Variants in TTC28 observed in about 807,000 individuals in gnomAD.
The protein encoded by TTC28 is tetratricopeptide repeat protein 28.
TTC28 carries 61 observed loss-of-function variants against 198.0 expected under a neutral mutation model. That is an observed-to-expected ratio of 0.31 (90% CI 0.25 to 0.38). The LOEUF (loss-of-function observed/expected upper bound fraction) is 0.38, where lower values mean the gene tolerates loss of function less well. Ranked by LOEUF, TTC28 falls within the 10% of genes least tolerant of loss-of-function variation. The pLI is 1.00. For missense variants in TTC28, 2,678 were observed against 3,164.0 expected, an observed-to-expected ratio of 0.85 and a Z score of 3.69; for synonymous variants, 1,171 against 1,297.8, an observed-to-expected ratio of 0.90 and a Z score of 2.10.
chr22:28,632,253 C>CTTTTTTT lies in TTC28; in HGVS notation c.103-2430_103-2424dup, dbSNP rs765447917. ...ATATCAGTGTCCAAGTTATATTCAA[C>CTTTTTTT]TTTTTTTTTTTTTTTTTTTTTTTTT... On this transcript the variant is annotated intron_variant, in intron 1 of 22. Transcript: ENST00000397906. Among the ~76,000 whole-genome samples, 97 of 49,702 alleles carry CTTTTTTT rather than the reference C, an allele frequency of 2.0e-3. 9 individuals carry two copies. Among genetic ancestry groups the CTTTTTTT allele is most frequent in the African/African-American group, 2.8e-3 (36 of 12,806 alleles). The allele number at this position is 49,702 out of a possible 152,430, so 32.6% of individuals were successfully genotyped here.
intron 14 of TTC28, among the ~76,000 whole-genome samples, chr22:28,013,498 G>A (rs1229589801): frequency 6.6e-6 from 1 of 152,220 alleles, no homozygotes; most frequent in African/African-American, 2.4e-5. Context: ...GGCAGATTAT[G>A]CAAGGGTGTC....
chr22:28,553,190 GC>G (rs2049718827), intron 2 of TTC28, among the ~76,000 whole-genome samples: 1 of 152,148 alleles, frequency 6.6e-6, no homozygotes, highest in Non-Finnish European at 1.5e-5. Flanking sequence ...CAAGATTGCA[GC>G]CTCTGCCCGG....
At chr22:28,119,831 A>T (rs971000962) in intron 6 of TTC28, among the ~76,000 whole-genome samples, 4 of 152,238 alleles carry the variant, frequency 2.6e-5, no homozygotes. Context: ...ATCCAGCTGA[A>T]GTTGTTAAAA....
intron 18 of TTC28, 132 bp downstream of exon 18, chr22:27,993,155 C>T: frequency 1.3e-6 from 1 of 797,862 alleles, no homozygotes; most frequent in Admixed American, 3.1e-5. Flanking sequence ...GGACCCCCTG[C>T]CATTTCTCAG....
chr22:28,629,320 A>C, intron 2 of TTC28: 1 of 483,692 alleles, frequency 2.1e-6, no homozygotes, highest in South Asian at 3.9e-5. Context: ...AAAAAATTTA[A>C]ATCTCACACA....
At chr22:28,587,094 C>T (rs2050332547) in intron 2 of TTC28, among the ~76,000 whole-genome samples, 1 of 151,990 alleles carries the variant, frequency 6.6e-6, no homozygotes, top group South Asian at 2.1e-4. Flanking sequence ...TGGTGGCGGG[C>T]GCCTATAGGC....
chr22:28,021,919 T>C (rs1355613976), intron 13 of TTC28, among the ~76,000 whole-genome samples: 1 of 152,164 alleles, frequency 6.6e-6, no homozygotes, highest in Non-Finnish European at 1.5e-5. Flanking sequence ...AGTACGGACA[T>C]GGAATCTCAG....
intron 10 of TTC28, among the ~76,000 whole-genome samples, chr22:28,098,653 A>G (rs1942042797): frequency 6.6e-6 from 1 of 152,046 alleles, no homozygotes; most frequent in African/African-American, 2.4e-5. Context: ...TCTCTCCACA[A>G]GCTAAGCTTC....
intron 13 of TTC28, among the ~76,000 whole-genome samples, chr22:28,029,902 T>G (rs989810721): frequency 6.6e-6 from 1 of 152,224 alleles, no homozygotes; most frequent in African/African-American, 2.4e-5. Context: ...TATGTGAAGT[T>G]GCTCTGGCTT....
chr22:28,561,436 T>C (rs1479065603), intron 2 of TTC28, among the ~76,000 whole-genome samples: 1 of 152,214 alleles, frequency 6.6e-6, no homozygotes, highest in Non-Finnish European at 1.5e-5. Context: ...TTAAGGTTAC[T>C]GAAAATATAC....
chr22:28,057,709 AAC>A (rs2146724773), intron 12 of TTC28, among the ~76,000 whole-genome samples: 1 of 152,160 alleles, frequency 6.6e-6, no homozygotes, highest in African/African-American at 2.4e-5. Flanking sequence ...GTTTTCATAT[AAC>A]AGTTTTATAG....
chr22:28,233,805 C>T (rs1378176176), intron 5 of TTC28, among the ~76,000 whole-genome samples: 2 of 152,036 alleles, frequency 1.3e-5, no homozygotes, highest in South Asian at 2.1e-4. Flanking sequence ...AGTGCAGTGG[C>T]GCAATCTCAG....
intron 2 of TTC28, among the ~76,000 whole-genome samples, chr22:28,627,225 T>C (rs887475350): frequency 2.0e-5 from 3 of 152,138 alleles, no homozygotes; most frequent in African/African-American, 4.8e-5. Flanking sequence ...ACATCTACTA[T>C]GTACAAGTTA....
intron 5 of TTC28, among the ~76,000 whole-genome samples, chr22:28,219,060 A>G (rs558556960): frequency 6.6e-6 from 1 of 152,314 alleles, no homozygotes; most frequent in East Asian, 1.9e-4. Flanking sequence ...GAATCCATGA[A>G]CCATACTTTG....
intron 6 of TTC28, among the ~76,000 whole-genome samples, chr22:28,119,533 G>A (rs1942729005): frequency 6.6e-6 from 1 of 152,214 alleles, no homozygotes. Context: ...ATTTCCTTAA[G>A]TACCAGAGTG....
chr22:28,211,381 G>C (rs1926943261), intron 5 of TTC28, among the ~76,000 whole-genome samples: 1 of 152,132 alleles, frequency 6.6e-6, no homozygotes, highest in Non-Finnish European at 1.5e-5. Flanking sequence ...CTGTATTCAG[G>C]AGACCCATCT....
intron 5 of TTC28, among the ~76,000 whole-genome samples, chr22:28,267,817 G>C (rs1931784068): frequency 1.3e-5 from 2 of 152,062 alleles, no homozygotes; most frequent in South Asian, 4.1e-4. Flanking sequence ...CTTTGCTCAA[G>C]TGTTCAGTAA....
intron 2 of TTC28, among the ~76,000 whole-genome samples, chr22:28,511,819 G>GA (rs1259331657): frequency 1.2e-4 from 16 of 133,898 alleles, no homozygotes; most frequent in African/African-American, 3.1e-4. Flanking sequence ...CTCCGTCTCA[G>GA]AAAAAAGAAA....
rs189704382 is a variant in TTC28 at position 28,115,123 on chromosome 22, G to C, written c.1442-6720C>G. ...GTGGCAGGATTGTTACTAAAACCCA[G>C]ATTTTTCTGACTCAGAAGTCCATGC... On this transcript the variant is annotated intron_variant, in intron 6 of 22. Transcript: ENST00000397906. Among the ~76,000 whole-genome samples the C allele has an allele frequency of 1.1e-3, 165 of 152,138 alleles. 2 individuals are homozygous for C. Among genetic ancestry groups the C allele is most frequent in the African/African-American group, 3.6e-3 (150 of 41,518 alleles).
Sources: allele counts gnomAD v4.1 joint callset (sites outside exome capture counted in the v4.1 genomes callset), GRCh38; gene constraint gnomAD v4.1.1; transcripts MANE v1.5; gene names NCBI Gene and HGNC (gene_info 2026-07-23, HGNC 2026-07-21).